The following DIS3L2 variants were observed in gnomAD, a reference collection of about 807,000 sequenced individuals.
DIS3L2 encodes DIS3 like 3'-5' exoribonuclease 2.
A neutral mutation model predicts 97.5 loss-of-function variants in DIS3L2; 34 were observed. The ratio of observed to expected loss-of-function variants is 0.35; its 90% CI spans 0.27 to 0.46. The LOEUF (loss-of-function observed/expected upper bound fraction) is 0.46, where lower values mean the gene tolerates loss of function less well. Among genes scored for constraint, DIS3L2 ranks in the 20% least tolerant of loss-of-function variants. DIS3L2 has a pLI of 1.00. For missense variants in DIS3L2, 1,038 were observed against 1,146.0 expected, an observed-to-expected ratio of 0.91 and a Z score of 1.36; for synonymous variants, 435 against 445.2, an observed-to-expected ratio of 0.98 and a Z score of 0.29.
chr2:232,062,438 C>CA (rs925721568), intron 5 of DIS3L2, among the ~76,000 whole-genome samples: 1 of 152,094 alleles, frequency 6.6e-6, no homozygotes, highest in Non-Finnish European at 1.5e-5. Flanking sequence ...TTTTGCTTCT[C>CA]AGAGGGGTAA....
chr2:232,146,238 C>G (rs1435371963), intron 8 of DIS3L2, among the ~76,000 whole-genome samples: 1 of 152,134 alleles, frequency 6.6e-6, no homozygotes, highest in African/African-American at 2.4e-5. Flanking sequence ...AATACCTCTA[C>G]AAGATCTATG....
intron 20 of DIS3L2, 29 bp downstream of exon 20, chr2:232,335,903 T>G: frequency 6.5e-7 from 1 of 1,549,714 alleles, no homozygotes; most frequent in Non-Finnish European, 8.7e-7. Context: ...CCCAGCCCCC[T>G]AAGTCCTGAT....
chr2:232,182,008 G>A (rs1691294114), intron 9 of DIS3L2, among the ~76,000 whole-genome samples: 1 of 152,014 alleles, frequency 6.6e-6, no homozygotes, highest in South Asian at 2.1e-4. Flanking sequence ...GTCACCTAGG[G>A]TGGTCTCGAG....
intron 14 of DIS3L2, among the ~76,000 whole-genome samples, chr2:232,306,363 C>T (rs1286754558): frequency 6.6e-6 from 1 of 152,286 alleles, no homozygotes; most frequent in East Asian, 1.9e-4. Flanking sequence ...GGTCTTCTGC[C>T]TCCTGCATGC....
chr2:232,244,478 C>T (rs1693192158), intron 11 of DIS3L2, among the ~76,000 whole-genome samples: 1 of 152,172 alleles, frequency 6.6e-6, no homozygotes, highest in African/African-American at 2.4e-5. Flanking sequence ...TTGTCTTCTC[C>T]ATGTGGAGTT....
intron 10 of DIS3L2, among the ~76,000 whole-genome samples, chr2:232,221,944 T>C (rs1422554200): frequency 6.6e-6 from 1 of 152,088 alleles, no homozygotes; most frequent in Non-Finnish European, 1.5e-5. Context: ...TCATTTCATT[T>C]CTTTTCTTTT....
intron 6 of DIS3L2, among the ~76,000 whole-genome samples, chr2:232,094,240 T>G (rs1468399941): frequency 2.6e-5 from 4 of 152,220 alleles, no homozygotes; most frequent in African/African-American, 9.6e-5. Context: ...ATCTAACATA[T>G]GGTCTGTCCT....
At chr2:232,176,113 A>T (rs1691144630) in intron 9 of DIS3L2, among the ~76,000 whole-genome samples, 2 of 151,278 alleles carry the variant, frequency 1.3e-5, no homozygotes, top group South Asian at 4.2e-4. Flanking sequence ...CTAGTCTTGA[A>T]CTCCTGACCT....
chr2:232,102,196 G>A (rs775619835), intron 6 of DIS3L2, among the ~76,000 whole-genome samples: 7 of 152,092 alleles, frequency 4.6e-5, no homozygotes, highest in African/African-American at 7.2e-5. Flanking sequence ...GAAATACAGG[G>A]GATATTGGAA....
intron 6 of DIS3L2, among the ~76,000 whole-genome samples, chr2:232,124,413 G>A (rs745365929): frequency 1.1e-4 from 16 of 152,196 alleles, no homozygotes; most frequent in Admixed American, 2.0e-4. Context: ...TGTGGATGAA[G>A]AAAAGTGTAT....
chr2:232,015,060 T>C, intron 2 of DIS3L2, 81 bp downstream of exon 2: 8 of 1,403,518 alleles, frequency 5.7e-6, no homozygotes, highest in Admixed American at 1.8e-5. Flanking sequence ...GGAGGCTGTC[T>C]TTTAGGACTG....
intron 11 of DIS3L2, 36 bp from the exon 12 acceptor site, chr2:232,249,203 G>A (rs761967254): frequency 1.2e-6 from 2 of 1,608,044 alleles, no homozygotes; most frequent in South Asian, 2.2e-5. Context: ...AAGCGGGTTG[G>A]AGAAAGGTGC....
At chr2:232,201,310 T>C (rs1031741650) in intron 9 of DIS3L2, among the ~76,000 whole-genome samples, 11 of 152,360 alleles carry the variant, frequency 7.2e-5, no homozygotes, top group African/African-American at 9.6e-5. Flanking sequence ...TCAAGCCTTT[T>C]TACCCAACTT....
intron 14 of DIS3L2, 143 bp from the exon 15 acceptor site, chr2:232,329,670 T>G: frequency 5.5e-5 from 45 of 818,722 alleles, no homozygotes; most frequent in Non-Finnish European, 7.7e-5. Flanking sequence ...GCGGAACACA[T>G]GAGATGAGGT....
At chr2:232,211,928 C>T (rs901896381) in intron 10 of DIS3L2, among the ~76,000 whole-genome samples, 1 of 152,082 alleles carries the variant, frequency 6.6e-6, no homozygotes, top group Non-Finnish European at 1.5e-5. Context: ...TGGCTCATTG[C>T]AGCCTTGAAC....
intron 18 of DIS3L2, 45 bp from the exon 19 acceptor site, chr2:232,334,586 A>G: frequency 1.2e-6 from 2 of 1,602,002 alleles, no homozygotes; most frequent in Non-Finnish European, 1.7e-6. Context: ...CGAGGAGCCC[A>G]GGGCAGTGCC....
At chr2:232,097,572 A>G (rs998846690) in intron 6 of DIS3L2, among the ~76,000 whole-genome samples, 1 of 152,140 alleles carries the variant, frequency 6.6e-6, no homozygotes, top group African/African-American at 2.4e-5. Flanking sequence ...ATGTTCACTT[A>G]AGGCCCAAGG....
intron 5 of DIS3L2, among the ~76,000 whole-genome samples, chr2:232,045,649 C>A (rs1431845722): frequency 1.4e-5 from 2 of 147,226 alleles, no homozygotes; most frequent in East Asian, 2.0e-4. Context: ...CTCATGATAT[C>A]ATCACCTTTT....
chr2:232,197,163 T>C (rs770712268), intron 9 of DIS3L2, among the ~76,000 whole-genome samples: 1 of 152,162 alleles, frequency 6.6e-6, no homozygotes, highest in Non-Finnish European at 1.5e-5. Flanking sequence ...TGTCTAGACA[T>C]AGTAAATTCC....
Sources: allele counts gnomAD v4.1 joint callset (sites outside exome capture counted in the v4.1 genomes callset), GRCh38; gene constraint gnomAD v4.1.1; transcripts MANE v1.5; gene names NCBI Gene and HGNC (gene_info 2026-07-23, HGNC 2026-07-21).